The following SIMC1 variants were observed in gnomAD, a reference collection of about 807,000 sequenced individuals.
SIMC1 encodes the protein SUMO interacting motifs containing 1, also known as SUMO-interacting motif-containing protein 1.
Under a neutral mutation model 82.3 loss-of-function variants are expected in SIMC1, and 55 were observed. The observed-to-expected ratio is 0.67, with a 90% CI of 0.54 to 0.84. The LOEUF is 0.84. Among genes scored for constraint, SIMC1 ranks in the 40% least tolerant of loss-of-function variants. The probability of loss-of-function intolerance (pLI) is 0.00; values close to 1 mark genes in which losing one functional copy is unlikely to be tolerated. For missense variants in SIMC1, 915 were observed against 1,107.2 expected (o/e 0.83, Z 2.46); for synonymous variants, 353 against 426.3 (o/e 0.83, Z 2.12).
intron 1 of SIMC1, among the ~76,000 whole-genome samples, chr5:176,249,851 A>AT: frequency 4.0e-5 from 6 of 151,238 alleles, no homozygotes; most frequent in African/African-American, 1.5e-4. Context: ...CTCAAAAAAA[A>AT]AAAAAAAAAA....
At chr5:176,294,499 G>A (rs534414696) in intron 2 of SIMC1, among the ~76,000 whole-genome samples, 19 of 151,348 alleles carry the variant, frequency 1.3e-4, no homozygotes, top group East Asian at 1.9e-4. Context: ...GACTGCTCTC[G>A]AACTCCTGAC....
At chr5:176,317,032 A>G (rs1351612068) in intron 5 of SIMC1, among the ~76,000 whole-genome samples, 1 of 152,070 alleles carries the variant, frequency 6.6e-6, no homozygotes, top group African/African-American at 2.4e-5. Context: ...GGTGTTTGTG[A>G]CCTCTAAATC....
At chr5:176,264,742 G>A (rs1049251943) in intron 1 of SIMC1, among the ~76,000 whole-genome samples, 2 of 151,650 alleles carry the variant, frequency 1.3e-5, no homozygotes, top group African/African-American at 4.9e-5. Flanking sequence ...TTAATTTTAA[G>A]TTCAAACCTT....
chr5:176,284,607 TAAAAG>T (rs1382024534), intron 1 of SIMC1, among the ~76,000 whole-genome samples: 2 of 152,050 alleles, frequency 1.3e-5, no homozygotes, highest in Non-Finnish European at 2.9e-5. Context: ...ACATCACAAT[TAAAAG>T]AACTACAGAA....
intron 4 of SIMC1, among the ~76,000 whole-genome samples, chr5:176,297,090 G>A (rs540121534): frequency 2.0e-5 from 3 of 152,300 alleles, no homozygotes; most frequent in Admixed American, 2.0e-4. Flanking sequence ...GTGGGCTATT[G>A]GATATTTATT....
intron 2 of SIMC1, among the ~76,000 whole-genome samples, chr5:176,291,769 C>T (rs574279413): frequency 3.3e-5 from 5 of 152,302 alleles, no homozygotes; most frequent in South Asian, 4.1e-4. Context: ...TGAGCCACCG[C>T]GCCCAGCAGG....
rs1179853112 is a variant in SIMC1 at position 176,290,202 on chromosome 5, G to A, written c.678G>A (p.Leu226=). 1.2e-5 allele frequency: 20 copies of A among 1,602,152 alleles called. No individual in the cohort carries two copies. Among genetic ancestry groups the A allele is most frequent in the Non-Finnish European group, 1.7e-5 (20 of 1,175,376 alleles). ...CCTTGCCGTGCCCCCTGCGACCTTTGCCATGCCCACCGAGAGCCTCACCAT... is the reference window on the plus strand; with the variant it reads ...CCTTGCCGTGCCCCCTGCGACCTTTACCATGCCCACCGAGAGCCTCACCAT... ...PQALPCPLRP[L]PCPPRASPCP... The change falls in exon 2 of 10, where the codon TTG becomes TTA. Residue 226 remains leucine, a synonymous_variant. Transcript: ENST00000429602.
At chr5:176,310,336 C>T (rs1365305242) in intron 4 of SIMC1, among the ~76,000 whole-genome samples, 3 of 152,142 alleles carry the variant, frequency 2.0e-5, no homozygotes, top group African/African-American at 4.8e-5. Context: ...AAATGAAAAC[C>T]TATATTGTAC....
intron 9 of SIMC1, among the ~76,000 whole-genome samples, chr5:176,337,931 T>C (rs896783648): frequency 6.6e-6 from 1 of 152,144 alleles, no homozygotes; most frequent in Non-Finnish European, 1.5e-5. Context: ...AGGATAATGA[T>C]GGAATAGCTG....
chr5:176,343,803 GT>G (rs377649057), intron 9 of SIMC1, among the ~76,000 whole-genome samples: 9 of 150,956 alleles, frequency 6.0e-5, no homozygotes, highest in Non-Finnish European at 1.5e-5. Context: ...GTTTTGTTTT[GT>G]TTTTTTTGAG....
chr5:176,245,650 A>C lies in SIMC1; in HGVS notation c.129+7013A>C, dbSNP rs565547664. On this transcript the variant is annotated intron_variant, in intron 1 of 9. Coordinates refer to ENST00000429602, the MANE Select transcript of SIMC1 (RefSeq NM_001308195.2). ...TTAGTTGTCATGCTTATGTCAACCT[A>C]AATAACAGACAGCGACTCTCTAAAA... 3.9e-5 allele frequency among the ~76,000 whole-genome samples: 6 copies of C among 152,306 alleles called. No homozygotes were observed. In the South Asian group the frequency reaches 1.2e-3, roughly 32 times the overall value.
chr5:176,244,645 T>C (rs529510303), intron 1 of SIMC1, among the ~76,000 whole-genome samples: 17 of 152,152 alleles, frequency 1.1e-4, no homozygotes, highest in African/African-American at 3.1e-4. Context: ...ACATAGGGTA[T>C]GTGTGCAAAT....
At chr5:176,252,903 T>C (rs6898742) in intron 1 of SIMC1, among the ~76,000 whole-genome samples, 111,723 of 152,136 alleles carry the variant, frequency 0.73, 41,198 homozygotes, top group Middle Eastern at 0.84. Context: ...CTCGGGAGGC[T>C]GAGGCTGGCA....
intron 4 of SIMC1, among the ~76,000 whole-genome samples, chr5:176,310,068 A>G (rs1159612840): frequency 2.0e-5 from 3 of 152,232 alleles, no homozygotes; most frequent in African/African-American, 4.8e-5. Flanking sequence ...GTTAAACTCC[A>G]TAAGTCATCA....
chr5:176,280,845 T>C lies in SIMC1; in HGVS notation c.130-8809T>C, dbSNP rs530023235. ...CCCTTTGTGGGTAACCCGACCTTTC[T>C]CTCTGGCTGCCCTTAACATTTTTTC... is the stretch of plus-strand genomic sequence containing the variant. On this transcript the variant is annotated intron_variant, in intron 1 of 9. Transcript: ENST00000429602. 3.9e-5 allele frequency among the ~76,000 whole-genome samples: 6 copies of C among 152,354 alleles called. No individual in the cohort carries two copies. The South Asian group carries it at 1.2e-3, about 32-fold the overall frequency.
chr5:176,251,788 C>T (rs868404067), intron 1 of SIMC1, among the ~76,000 whole-genome samples: 212 of 150,602 alleles, frequency 1.4e-3, no homozygotes, highest in African/African-American at 4.7e-3. Flanking sequence ...TGACTCTTAA[C>T]GAGCATGCTG....
intron 4 of SIMC1, among the ~76,000 whole-genome samples, chr5:176,305,926 C>T (rs1581283800): frequency 1.2e-5 from 1 of 83,146 alleles, no homozygotes; most frequent in Non-Finnish European, 2.5e-5. Flanking sequence ...CCGGCCGCCC[C>T]TACTGGGAAG....
chr5:176,259,436 C>T (rs549563066), intron 1 of SIMC1, among the ~76,000 whole-genome samples: 2 of 149,516 alleles, frequency 1.3e-5, no homozygotes, highest in African/African-American at 2.5e-5. Flanking sequence ...GGTGACAGAG[C>T]GAGACTCCAT....
At chr5:176,264,983 A>G (rs1486757026) in intron 1 of SIMC1, among the ~76,000 whole-genome samples, 4 of 152,200 alleles carry the variant, frequency 2.6e-5, no homozygotes, top group Non-Finnish European at 5.9e-5. Flanking sequence ...AGCCTGAGCA[A>G]GATAGGGAGA....
Sources: allele counts gnomAD v4.1 joint callset (sites outside exome capture counted in the v4.1 genomes callset), GRCh38; gene constraint gnomAD v4.1.1; transcripts MANE v1.5; gene names NCBI Gene and HGNC (gene_info 2026-07-23, HGNC 2026-07-21).